Variants in RBFOX1 observed in about 807,000 individuals in gnomAD.
RBFOX1 encodes the protein RNA binding protein fox-1 homolog 1.
RBFOX1 carries 8 observed loss-of-function variants against 57.7 expected under a neutral mutation model. That is an observed-to-expected ratio of 0.14 (90% CI 0.08 to 0.25). The LOEUF (loss-of-function observed/expected upper bound fraction) is 0.25. Among genes scored for constraint, RBFOX1 ranks in the 10% least tolerant of loss-of-function variants. The probability of loss-of-function intolerance (pLI) is 1.00; values close to 1 mark genes in which losing one functional copy is unlikely to be tolerated. For missense variants in RBFOX1, 611 were observed against 548.5 expected, an observed-to-expected ratio of 1.11 and a Z score of -1.14; for synonymous variants, 326 against 222.4, an observed-to-expected ratio of 1.47 and a Z score of -4.15.
chr16:5,541,253 C>G (rs994719464), intron 2 of RBFOX1, among the ~76,000 whole-genome samples: 5 of 152,070 alleles, frequency 3.3e-5, no homozygotes, highest in African/African-American at 1.2e-4. Flanking sequence ...ATATGTCTTG[C>G]TCTAATGCTT....
intron 1 of RBFOX1, among the ~76,000 whole-genome samples, chr16:6,102,500 G>C (rs2096325154): frequency 6.6e-6 from 1 of 152,066 alleles, no homozygotes; most frequent in South Asian, 2.1e-4. Context: ...CTCTGCACAG[G>C]AAAAGTTTCC....
chr16:6,965,246 G>C (rs559621585), intron 3 of RBFOX1, among the ~76,000 whole-genome samples: 3 of 152,178 alleles, frequency 2.0e-5, no homozygotes, highest in East Asian at 3.9e-4. Context: ...ACTCATTTGG[G>C]TGTAAAAAAT....
chr16:6,202,803 T>G (rs2097223417), intron 1 of RBFOX1, among the ~76,000 whole-genome samples: 1 of 152,154 alleles, frequency 6.6e-6, no homozygotes, highest in South Asian at 2.1e-4. Flanking sequence ...TCATTTTGTT[T>G]CTGAGACAGG....
chr16:5,305,129 C>T (rs570799954), intron 1 of RBFOX1, among the ~76,000 whole-genome samples: 4 of 152,222 alleles, frequency 2.6e-5, no homozygotes, highest in East Asian at 1.9e-4. Flanking sequence ...GAAGTCTGAA[C>T]GGGTAGCCTT....
At chr16:6,871,841 C>G (rs1368401618) in intron 3 of RBFOX1, among the ~76,000 whole-genome samples, 3 of 151,880 alleles carry the variant, frequency 2.0e-5, no homozygotes, top group Non-Finnish European at 4.4e-5. Flanking sequence ...GCTGCTTAGC[C>G]TATCGTGTCC....
intron 3 of RBFOX1, among the ~76,000 whole-genome samples, chr16:6,877,615 T>C (rs2062086203): frequency 6.6e-6 from 1 of 152,194 alleles, no homozygotes; most frequent in African/African-American, 2.4e-5. Flanking sequence ...TGCATTTGCA[T>C]ATTGCTTTAG....
intron 1 of RBFOX1, among the ~76,000 whole-genome samples, chr16:5,292,871 C>T (rs1255569414): frequency 2.6e-5 from 4 of 152,060 alleles, no homozygotes; most frequent in Non-Finnish European, 4.4e-5. Flanking sequence ...GGTCCATCCA[C>T]CTCGGCCTCC....
intron 4 of RBFOX1, among the ~76,000 whole-genome samples, chr16:5,924,838 G>A (rs545392609): frequency 3.3e-5 from 5 of 152,226 alleles, no homozygotes; most frequent in African/African-American, 9.6e-5. Flanking sequence ...AAGGATGGAC[G>A]TGATGCTGTG....
intron 3 of RBFOX1, among the ~76,000 whole-genome samples, chr16:6,842,151 A>G (rs1355618704): frequency 7.1e-6 from 1 of 140,930 alleles, no homozygotes; most frequent in African/African-American, 2.7e-5. Flanking sequence ...AGAAAAAAAA[A>G]TAAAAAATAA....
At chr16:5,824,311 C>G (rs571790783) in intron 3 of RBFOX1, among the ~76,000 whole-genome samples, 2 of 152,172 alleles carry the variant, frequency 1.3e-5, no homozygotes, top group African/African-American at 4.8e-5. Context: ...GGGGCTGCCT[C>G]CCTCTTTTTT....
rs539363316 is a variant in RBFOX1 at position 6,128,131 on chromosome 16, AC to A, written c.-127+108140del. ...CTAAAATGCACACATTTGAAGAGTTACTATGAAAATAAATGTAAAATATCTT... is the reference window on the plus strand; with the variant it reads ...CTAAAATGCACACATTTGAAGAGTTATATGAAAATAAATGTAAAATATCTT... On this transcript the variant is annotated intron_variant, in intron 1 of 15. Coordinates refer to ENST00000550418, the MANE Select transcript of RBFOX1 (RefSeq NM_018723.4). 3.3e-5 allele frequency among the ~76,000 whole-genome samples: 5 copies of A among 152,320 alleles called. No individual in the cohort carries two copies. In the South Asian group the frequency reaches 1.0e-3, roughly 32 times the overall value.
At chr16:6,701,420 T>C (rs2061835785) in intron 3 of RBFOX1, among the ~76,000 whole-genome samples, 1 of 152,224 alleles carries the variant, frequency 6.6e-6, no homozygotes, top group African/African-American at 2.4e-5. Flanking sequence ...CTGTTTTACA[T>C]TGCTGTAAAG....
chr16:5,881,112 A>G (rs905657504), intron 4 of RBFOX1, among the ~76,000 whole-genome samples: 16 of 152,152 alleles, frequency 1.1e-4, no homozygotes, highest in African/African-American at 3.4e-4. Flanking sequence ...ATTTTTTCCT[A>G]TCGAAGTTCA....
intron 4 of RBFOX1, among the ~76,000 whole-genome samples, chr16:7,347,658 C>G (rs1430204237): frequency 2.0e-5 from 3 of 152,178 alleles, no homozygotes; most frequent in Non-Finnish European, 2.9e-5. Flanking sequence ...TGTGACTCAG[C>G]TACAGAGACT....
At chr16:7,564,746 G>T (rs1369821352) in intron 5 of RBFOX1, among the ~76,000 whole-genome samples, 1 of 152,006 alleles carries the variant, frequency 6.6e-6, no homozygotes, top group Non-Finnish European at 1.5e-5. Context: ...CCTAGACAAG[G>T]CTGTCTCCTT....
chr16:5,750,556 C>G (rs2053158980), intron 3 of RBFOX1, among the ~76,000 whole-genome samples: 1 of 152,336 alleles, frequency 6.6e-6, no homozygotes, highest in South Asian at 2.1e-4. Flanking sequence ...CTACTCAAGC[C>G]TCAGCAATGG....
chr16:6,385,367 T>C (rs2092181063), intron 2 of RBFOX1, among the ~76,000 whole-genome samples: 1 of 152,222 alleles, frequency 6.6e-6, no homozygotes, highest in African/African-American at 2.4e-5. Flanking sequence ...TTTTATTTTA[T>C]TTTATTTTTT....
At chr16:7,339,771 G>T (rs906880922) in intron 4 of RBFOX1, among the ~76,000 whole-genome samples, 2 of 152,158 alleles carry the variant, frequency 1.3e-5, no homozygotes, top group East Asian at 3.9e-4. Flanking sequence ...TCTTTTGTCT[G>T]CGATGAAGAA....
At chr16:6,445,707 C>T (rs1049980289) in intron 2 of RBFOX1, among the ~76,000 whole-genome samples, 4 of 151,838 alleles carry the variant, frequency 2.6e-5, no homozygotes, top group African/African-American at 9.7e-5. Flanking sequence ...CTCAGCCTCC[C>T]GAGTAGCTGG....
Sources: allele counts gnomAD v4.1 joint callset (sites outside exome capture counted in the v4.1 genomes callset), GRCh38; gene constraint gnomAD v4.1.1; transcripts MANE v1.5; gene names NCBI Gene and HGNC (gene_info 2026-07-23, HGNC 2026-07-21).